The following PLVAP variants were observed in gnomAD, a reference collection of about 807,000 sequenced individuals.
PLVAP encodes the protein plasmalemma vesicle associated protein, also known as plasmalemma vesicle-associated protein.
In PLVAP, 34 loss-of-function variants were observed where a neutral mutation model predicts 43.1. The ratio of observed to expected loss-of-function variants is 0.79; its 90% CI spans 0.60 to 1.05. The LOEUF (loss-of-function observed/expected upper bound fraction) is 1.05, where lower values mean the gene tolerates loss of function less well. PLVAP is among the 50% of genes least tolerant of loss of function. The pLI is 0.00. For missense variants in PLVAP, 574 were observed against 593.4 expected (o/e 0.97, Z 0.34); for synonymous variants, 241 against 237.3 (o/e 1.02, Z -0.14).
chr19:17,359,389 C>A (rs896425132), intron 5 of PLVAP, among the ~76,000 whole-genome samples: 2 of 151,670 alleles, frequency 1.3e-5, no homozygotes, highest in East Asian at 3.9e-4. Flanking sequence ...GCTGGGATTA[C>A]AGGCGTGAGC....
chr19:17,351,873 T>C lies in PLVAP; in HGVS notation c.*489A>G, dbSNP rs542134960. 5.8e-6 allele frequency: 1 copy of C among 172,988 alleles called. No homozygotes were observed. The highest frequency in any genetic ancestry group is 2.4e-5 in the African/African-American group (1 of 42,200). The allele number at this position is 172,988 out of a possible 1,614,324, so 10.7% of individuals were successfully genotyped here. On this transcript the variant is annotated 3_prime_UTR_variant, in exon 6 of 6. Coordinates refer to ENST00000252590, the MANE Select transcript of PLVAP (RefSeq NM_031310.3). ...GCCATATCTATAGGTGTCGTTGTCA[T>C]GGTGTGTGTTGTCACTGTGTCTGTG...
At chr19:17,374,817 TG>T (rs1362241238) in intron 1 of PLVAP, among the ~76,000 whole-genome samples, 8 of 143,132 alleles carry the variant, frequency 5.6e-5, no homozygotes, top group Non-Finnish European at 7.8e-5. Flanking sequence ...TATGTATGTA[TG>T]TATGTATGTA....
In PLVAP at chr19:17,377,296, ATCC is replaced by A; in HGVS notation, c.-11_-9del. On this transcript the variant is annotated 5_prime_UTR_variant, in exon 1 of 6. Transcript: ENST00000252590. ...CTCCATGGCCAGACCCATTTGCTCG[ATCC>A]CGCCGTCCGGTGCACCGTCCCTGCT... 1 of 1,602,078 alleles carries A rather than the reference ATCC, an allele frequency of 6.2e-7. No homozygotes were observed. The highest frequency in any genetic ancestry group is 8.5e-7 in the Non-Finnish European group (1 of 1,173,014).
chr19:17,376,876 C>A, intron 1 of PLVAP, 44 bp downstream of exon 1: 1 of 1,562,466 alleles, frequency 6.4e-7, no homozygotes, highest in Non-Finnish European at 8.7e-7. Context: ...GGTGAGGGGG[C>A]TTGCTCAGGG....
In PLVAP at chr19:17,351,980, G is replaced by A. The variant is rs1037592157; in HGVS notation, c.*382C>T. 2.3e-5 allele frequency: 7 copies of A among 305,500 alleles called. No homozygotes were observed. The highest frequency in any genetic ancestry group is 4.4e-5 in the Non-Finnish European group (7 of 160,336). 18.9% of individuals were successfully genotyped at this position (305,500 alleles called of 1,614,324 possible). ...GTGTGACGTCGACATGGCCCGTGAC[G>A]TCGTTGCTGCATCTCGGTGTGACGT... On this transcript the variant is annotated 3_prime_UTR_variant, in exon 6 of 6. Transcript: ENST00000252590.
intron 1 of PLVAP, among the ~76,000 whole-genome samples, chr19:17,368,947 C>A (rs545376282): frequency 8.5e-5 from 13 of 152,182 alleles, no homozygotes; most frequent in African/African-American, 2.9e-4. Context: ...CTCTGCACTC[C>A]AGTCCAGCCT....
chr19:17,377,025 G>C lies in PLVAP; in HGVS notation c.264C>G (p.Leu88=), dbSNP rs374507346. ...TASQSNLTKE[L]NFTTRAKDAI... is the part of the protein sequence containing the mutation. ...CATCCTTGGCGCGGGTGGTGAAGTT[G>C]AGCTCCTTGGTCAAGTTGGACTGGG... The change falls in exon 1 of 6, where the codon CTC becomes CTG. Residue 88 remains leucine, a synonymous_variant. Transcript: ENST00000252590. The C allele has an allele frequency of 5.0e-6, 8 of 1,614,004 alleles. No homozygotes were observed. The highest frequency in any genetic ancestry group is 6.8e-6 in the Non-Finnish European group (8 of 1,180,040).
At chr19:17,371,874 A>G (rs755493674) in intron 1 of PLVAP, among the ~76,000 whole-genome samples, 17 of 152,176 alleles carry the variant, frequency 1.1e-4, no homozygotes, top group Non-Finnish European at 1.8e-4. Context: ...CAGAAATATA[A>G]TAAGACATGA....
intron 3 of PLVAP, among the ~76,000 whole-genome samples, chr19:17,363,802 G>A (rs2074537704): frequency 6.8e-6 from 1 of 147,118 alleles, no homozygotes; most frequent in Non-Finnish European, 1.5e-5. Context: ...GAGTGCAGTG[G>A]TGTGATCTTG....
rs961453139 is a variant in PLVAP at position 17,352,124 on chromosome 19, A to G, written c.*238T>C. The stretch of plus-strand genomic sequence containing the variant: ...CATCACCACGGTGATATGTGACGTC[A>G]GCGCCGTTGCTTGCGTGACGTCATC... On this transcript the variant is annotated 3_prime_UTR_variant, in exon 6 of 6. Transcript: ENST00000252590. 4 of 574,502 alleles carry G rather than the reference A, an allele frequency of 7.0e-6. No individual in the cohort carries two copies. The highest frequency in any genetic ancestry group is 1.3e-5 in the Non-Finnish European group (4 of 318,388). The allele number at this position is 574,502 out of a possible 1,614,324, so 35.6% of individuals were successfully genotyped here.
intron 5 of PLVAP, 130 bp downstream of exon 5, chr19:17,360,398 C>A: frequency 1.1e-6 from 1 of 928,804 alleles, no homozygotes; most frequent in Non-Finnish European, 1.7e-6. Context: ...CCATACATGA[C>A]CTAGTATACA....
chr19:17,376,897 G>T (rs368416710), intron 1 of PLVAP, 23 bp downstream of exon 1: 1 of 1,597,284 alleles, frequency 6.3e-7, no homozygotes, highest in Non-Finnish European at 8.5e-7. Context: ...TCCCCAGGGC[G>T]AGTGTCCTGC....
Position 17,352,190 on chromosome 19 carries a change from G to T in PLVAP, c.*172C>A. ...TCTGGGTGAGGGATCGTGAGGCGCG[G>T]GTGCGGGTGTGAGAGGGTACTAGGG... is the stretch of plus-strand genomic sequence containing the variant. On this transcript the variant is annotated 3_prime_UTR_variant, in exon 6 of 6. Coordinates refer to ENST00000252590, the MANE Select transcript of PLVAP (RefSeq NM_031310.3). 1 of 844,818 alleles carries T rather than the reference G, an allele frequency of 1.2e-6. No homozygotes were observed. The highest frequency in any genetic ancestry group is 1.9e-6 in the Non-Finnish European group (1 of 538,674). 52.3% of individuals were successfully genotyped at this position (844,818 alleles called of 1,614,324 possible).
chr19:17,355,239 A>G (rs2074501993), intron 5 of PLVAP, among the ~76,000 whole-genome samples: 1 of 144,030 alleles, frequency 6.9e-6, no homozygotes, highest in Non-Finnish European at 1.5e-5. Flanking sequence ...AATAATAATA[A>G]TAATAATAAT....
chr19:17,372,410 A>G (rs188438329), intron 1 of PLVAP, among the ~76,000 whole-genome samples: 1 of 150,194 alleles, frequency 6.7e-6, no homozygotes, highest in East Asian at 2.0e-4. Context: ...CTCTGTGTCA[A>G]AAATAGTAAT....
chr19:17,363,459 G>A (rs1005108244), intron 3 of PLVAP, among the ~76,000 whole-genome samples: 7 of 150,950 alleles, frequency 4.6e-5, no homozygotes, highest in African/African-American at 1.5e-4. Flanking sequence ...GGGCCACCGC[G>A]CCTGGTCGTA....
rs749498988 is a variant in PLVAP at position 17,377,082 on chromosome 19, G to T, written c.207C>A (p.Gly69=). ...NLQATERRAE[G]LYSQLLGLTA... is the part of the protein sequence containing the mutation. Reference sequence around the variant, plus strand: ...TGAGCCCTAGGAGCTGACTGTATAGGCCCTCGGCTCGGCGCTCGGTGGCCT... The same window carrying T: ...TGAGCCCTAGGAGCTGACTGTATAGTCCCTCGGCTCGGCGCTCGGTGGCCT... Residue 69 remains glycine (G), a synonymous_variant, in exon 1 of 6, where the codon GGC becomes GGA. Transcript: ENST00000252590. 2 of 1,614,054 alleles carry T rather than the reference G, an allele frequency of 1.2e-6. No homozygotes were observed. The highest frequency in any genetic ancestry group is 1.7e-5 in the Admixed American group (1 of 59,990).
Position 17,366,185 on chromosome 19 carries a change from G to C in PLVAP, c.380C>G (p.Thr127Arg). ...GGCAGCCATGTACCTCTGATTGTTC[G>C]TGTAGATGACCTGCCCGGAAGATAG... ...RQCQGDRVIYTNNQRYMAAII... is the reference protein window; with the variant it reads ...RQCQGDRVIYRNNQRYMAAII... The change falls in exon 2 of 6, where the codon ACG (threonine) becomes AGG (arginine). Residue 127 changes from threonine (T) to arginine (R), a missense_variant. Transcript: ENST00000252590. The C allele has an allele frequency of 6.2e-7, 1 of 1,614,092 alleles. No individual in the cohort carries two copies. Among genetic ancestry groups the C allele is most frequent in the South Asian group, 1.1e-5 (1 of 91,076 alleles).
At chr19:17,368,687 C>T (rs1448693624) in intron 1 of PLVAP, among the ~76,000 whole-genome samples, 2 of 152,036 alleles carry the variant, frequency 1.3e-5, no homozygotes, top group African/African-American at 2.4e-5. Context: ...AGTAGAAAGA[C>T]CTGGAACAGG....
Sources: gnomAD v4.1 joint callset for allele counts (sites outside exome capture counted in the v4.1 genomes callset) on GRCh38, gnomAD v4.1.1 for gene constraint, MANE v1.5 for transcripts, NCBI Gene and HGNC (gene_info 2026-07-23, HGNC 2026-07-21) for gene names.